LRP1B: variants seen among roughly 807,000 people sequenced by gnomAD.
LRP1B encodes the protein low-density lipoprotein receptor-related protein 1B.
In LRP1B, 217 loss-of-function variants were observed where a neutral mutation model predicts 556.6. The observed-to-expected ratio is 0.39, with a 90% CI of 0.35 to 0.44. The LOEUF is 0.44. Among genes scored for constraint, LRP1B ranks in the 20% least tolerant of loss-of-function variants. The probability of loss-of-function intolerance (pLI) is 1.00; values close to 1 mark genes in which losing one functional copy is unlikely to be tolerated. For synonymous variants in LRP1B, 2,047 were observed against 1,865.8 expected (o/e 1.10, Z -2.50); for missense variants, 5,053 against 5,620.8 (o/e 0.90, Z 3.23).
intron 83 of LRP1B, among the ~76,000 whole-genome samples, chr2:140,314,235 A>C (rs1573775255): frequency 6.6e-6 from 1 of 151,994 alleles, no homozygotes; most frequent in East Asian, 1.9e-4. Flanking sequence ...CCCTTGCACT[A>C]AATATTGGAA....
intron 1 of LRP1B, among the ~76,000 whole-genome samples, chr2:142,040,811 T>C (rs991106476): frequency 6.7e-6 from 1 of 148,584 alleles, no homozygotes; most frequent in Non-Finnish European, 1.5e-5. Flanking sequence ...GGTAAACCTA[T>C]TTTTTTTTTC....
chr2:140,796,829 A>T (rs945054695), intron 32 of LRP1B, among the ~76,000 whole-genome samples: 3 of 152,142 alleles, frequency 2.0e-5, no homozygotes, highest in African/African-American at 7.2e-5. Flanking sequence ...AGTGCAATAC[A>T]AGTGTAACAA....
chr2:141,969,036 C>A (rs1701646456), intron 1 of LRP1B, among the ~76,000 whole-genome samples: 2 of 151,300 alleles, frequency 1.3e-5, no homozygotes, highest in Non-Finnish European at 3.0e-5. Context: ...CTAAAGTTTG[C>A]CTATATTATA....
In LRP1B at chr2:140,867,830, C is replaced by T. The variant is rs2105154443; in HGVS notation, c.4339G>A (p.Asp1447Asn). ...TCATAGAGGGCTGAATAAATAGCAT[C>T]TGACCTACAGAAAGATAAATACATG... Reference protein sequence around the residue: ...KRIVWTDARSDAIYSALYDGT... With the variant: ...KRIVWTDARSNAIYSALYDGT... Residue 1447 changes from aspartate to asparagine, a missense_variant, in exon 27 of 91, where the codon GAT (aspartate) becomes AAT (asparagine). Coordinates refer to ENST00000389484, the MANE Select transcript of LRP1B (RefSeq NM_018557.3). 1 of 1,538,700 alleles carries T rather than the reference C, an allele frequency of 6.5e-7. No individual in the cohort carries two copies.
rs1217541515 is a variant in LRP1B, at chr2:140,369,254, T to A, written c.11008+1456A>T. 1.2e-4 allele frequency among the ~76,000 whole-genome samples: 18 copies of A among 151,850 alleles called. No homozygotes were observed. In the Admixed American group the frequency reaches 1.2e-3, roughly 10 times the overall value. On this transcript the variant is annotated intron_variant, in intron 71 of 90. Transcript: ENST00000389484. ...TAATCGGAAGGACACTTACATAAGA[T>A]GAACCTTGTAACAGTAAATAGGATG...
At chr2:140,549,321 A>G (rs1229977050) in intron 43 of LRP1B, among the ~76,000 whole-genome samples, 1 of 152,174 alleles carries the variant, frequency 6.6e-6, no homozygotes, top group African/African-American at 2.4e-5. Context: ...CAAAATAATA[A>G]TCTTGCCACA....
At chr2:140,629,053 C>CT (rs1553502099) in intron 41 of LRP1B, among the ~76,000 whole-genome samples, 2 of 151,746 alleles carry the variant, frequency 1.3e-5, no homozygotes, top group Non-Finnish European at 2.9e-5. Flanking sequence ...TCGGGTAGTT[C>CT]TTTTTTATTT....
intron 2 of LRP1B, among the ~76,000 whole-genome samples, chr2:141,600,532 A>C (rs1687689868): frequency 6.6e-6 from 1 of 152,048 alleles, no homozygotes; most frequent in African/African-American, 2.4e-5. Flanking sequence ...GTTTAAAGTG[A>C]ATGGGTGAAC....
chr2:140,823,056 C>A (rs1159415404), intron 31 of LRP1B, among the ~76,000 whole-genome samples: 1 of 152,028 alleles, frequency 6.6e-6, no homozygotes, highest in Admixed American at 6.6e-5. Context: ...ATGGTTCTAC[C>A]ATATGAAACC....
chr2:141,788,557 G>C (rs1408189886), intron 2 of LRP1B, among the ~76,000 whole-genome samples: 1 of 151,666 alleles, frequency 6.6e-6, no homozygotes, highest in Non-Finnish European at 1.5e-5. Context: ...TATACTTTAA[G>C]TTTTAGGGTA....
chr2:141,471,577 CA>C (rs1559089749), intron 3 of LRP1B, among the ~76,000 whole-genome samples: 3 of 152,126 alleles, frequency 2.0e-5, no homozygotes, highest in African/African-American at 7.2e-5. Context: ...AGATGCCTGT[CA>C]ACCATCAGCT....
At chr2:142,092,780 C>T (rs1209893626) in intron 1 of LRP1B, among the ~76,000 whole-genome samples, 1 of 152,046 alleles carries the variant, frequency 6.6e-6, no homozygotes, top group Non-Finnish European at 1.5e-5. Flanking sequence ...AAGTTTTCCA[C>T]TAAAATAGAT....
chr2:140,623,518 A>G (rs1683532020), intron 41 of LRP1B, among the ~76,000 whole-genome samples: 3 of 152,184 alleles, frequency 2.0e-5, no homozygotes, highest in Non-Finnish European at 2.9e-5. Flanking sequence ...ATAAAATACA[A>G]ACATCAACAG....
chr2:142,091,070 A>T (rs1484088329), intron 1 of LRP1B, among the ~76,000 whole-genome samples: 1 of 152,250 alleles, frequency 6.6e-6, no homozygotes. Flanking sequence ...TTGATTAATC[A>T]CTAAGTAGAT....
intron 35 of LRP1B, among the ~76,000 whole-genome samples, chr2:140,728,002 A>G (rs1387820380): frequency 6.6e-6 from 1 of 152,178 alleles, no homozygotes; most frequent in African/African-American, 2.4e-5. Context: ...GCAGACTTCA[A>G]AGATTTTAGA....
intron 2 of LRP1B, among the ~76,000 whole-genome samples, chr2:141,699,382 T>C (rs13390324): frequency 0.34 from 51,647 of 151,670 alleles, 9,344 homozygotes; most frequent in East Asian, 0.58. Context: ...TAGATGTCTA[T>C]ACACAGATAC....
At chr2:141,121,812 G>T (rs1274436560) in intron 7 of LRP1B, among the ~76,000 whole-genome samples, 1 of 152,124 alleles carries the variant, frequency 6.6e-6, no homozygotes, top group East Asian at 1.9e-4. Context: ...TACAGCAAAA[G>T]AACAAAGCTG....
At chr2:141,250,284 C>A (rs746750460) in intron 4 of LRP1B, among the ~76,000 whole-genome samples, 4 of 152,090 alleles carry the variant, frequency 2.6e-5, no homozygotes, top group Non-Finnish European at 5.9e-5. Context: ...TAGTCTCAGA[C>A]TGGGGGCTGG....
chr2:141,846,444 A>G (rs1457038786), intron 1 of LRP1B, among the ~76,000 whole-genome samples: 1 of 151,634 alleles, frequency 6.6e-6, no homozygotes, highest in African/African-American at 2.4e-5. Flanking sequence ...TGTTTTACCG[A>G]CATTTTTGGA....
Sources: gnomAD v4.1 joint callset for allele counts (sites outside exome capture counted in the v4.1 genomes callset) on GRCh38, gnomAD v4.1.1 for gene constraint, MANE v1.5 for transcripts, NCBI Gene and HGNC (gene_info 2026-07-23, HGNC 2026-07-21) for gene names.